The following SLC25A14 variants were observed in gnomAD, a reference collection of about 807,000 sequenced individuals.
SLC25A14 encodes the protein solute carrier family 25 member 14, also known as brain mitochondrial carrier protein 1.
Under a neutral mutation model 28.1 loss-of-function variants are expected in SLC25A14, and 8 were observed. The ratio of observed to expected loss-of-function variants is 0.28; its 90% confidence interval spans 0.17 to 0.51. The LOEUF is 0.51. Among genes scored for constraint, SLC25A14 ranks in the 20% least tolerant of loss-of-function variants. SLC25A14 has a pLI of 0.97. For missense variants in SLC25A14, 135 were observed against 263.8 expected, an observed-to-expected ratio of 0.51 and a Z score of 3.38; for synonymous variants, 74 against 90.6, an observed-to-expected ratio of 0.82 and a Z score of 1.04.
chrX:130,352,129 G>A (rs1378265996), intron 6 of SLC25A14, among the ~76,000 whole-genome samples: 1 of 111,297 alleles, frequency 9.0e-6, no homozygotes, highest in East Asian at 2.8e-4. Context: ...CCATGAGTAT[G>A]CAATATTTAG....
chrX:130,365,362 C>T (rs1255758593), intron 8 of SLC25A14, 179 bp from the exon 9 acceptor site: 1 of 1,022,791 alleles, frequency 9.8e-7, no homozygotes, highest in Non-Finnish European at 1.2e-6. Flanking sequence ...GAAGGGACAG[C>T]CTTTGAATGA....
rs1166070499 is a variant in SLC25A14, at chrX:130,340,302, C to A, written c.24C>A (p.Ile8=). The change falls in exon 2 of 11, where the codon ATC becomes ATA. Residue 8 remains isoleucine, a synonymous_variant. Coordinates refer to ENST00000545805, the MANE Select transcript of SLC25A14 (RefSeq NM_001282195.2). MGIFPGI[I]LIFLRVKFAT... The stretch of plus-strand genomic sequence containing the variant: ...GAATGGGTATCTTTCCCGGAATAAT[C>A]CTAATTTTTCTAAGGGTGAAGTTTG... The A allele has an allele frequency of 2.5e-6, 3 of 1,209,198 alleles. No individual in the cohort carries two copies. The African/African-American group carries it at 5.3e-5, about 21-fold the overall frequency.
At chrX:130,347,386 T>G (rs1474674576) in intron 4 of SLC25A14, among the ~76,000 whole-genome samples, 1 of 112,250 alleles carries the variant, frequency 8.9e-6, no homozygotes, top group Non-Finnish European at 1.9e-5. Flanking sequence ...CTGTTTCACC[T>G]TGTTCTTTCA....
rs749809718 is a variant in SLC25A14, at chrX:130,346,643, C to T, written c.269C>T (p.Ala90Val). 3 of 1,207,391 alleles carry T rather than the reference C, an allele frequency of 2.5e-6. No homozygotes were observed. Among genetic ancestry groups the T allele is most frequent in the Non-Finnish European group, 2.2e-6 (2 of 891,833 alleles). ...ATAAAATATAGAGGGATGTTCCATGCGCTGTTTCGCATCTGTAAAGAGGAA... is the reference window on the plus strand; with the variant it reads ...ATAAAATATAGAGGGATGTTCCATGTGCTGTTTCGCATCTGTAAAGAGGAA... ...KEIKYRGMFH[A>V]LFRICKEEGV... Residue 90 changes from alanine to valine, a missense_variant, in exon 4 of 11, where the codon GCG becomes GTG. By Grantham distance (64) the Ala-to-Val change is moderately conservative. Transcript: ENST00000545805.
chrX:130,350,792 T>G (rs2033601144), intron 6 of SLC25A14, 61 bp downstream of exon 6: 1 of 689,249 alleles, frequency 1.5e-6, no homozygotes, highest in Admixed American at 2.7e-5. Context: ...TGGGTTCAGA[T>G]TCCCACTCTG....
At chrX:130,348,245 C>T (rs2033504898) in intron 4 of SLC25A14, among the ~76,000 whole-genome samples, 1 of 110,436 alleles carries the variant, frequency 9.1e-6, no homozygotes, top group African/African-American at 3.3e-5. Context: ...TATAAGGGCA[C>T]TAATCCTGTT....
At chrX:130,365,257 A>G in intron 8 of SLC25A14, 1 of 861,489 alleles carries the variant, frequency 1.2e-6, no homozygotes, top group South Asian at 5.3e-5. Flanking sequence ...AAATTTATGT[A>G]ACTAATACAT....
At position 130,369,917 on chromosome X, in the gene SLC25A14, T is replaced by G. The variant is rs1441139155; in HGVS notation, c.856-1647T>G. Among the ~76,000 whole-genome samples, 9 of 112,267 alleles carry G rather than the reference T, an allele frequency of 8.0e-5. No individual in the cohort carries two copies. In the Admixed American group the frequency reaches 8.5e-4, roughly 11 times the overall value. On this transcript the variant is annotated intron_variant, in intron 9 of 10. Coordinates refer to ENST00000545805, the MANE Select transcript of SLC25A14 (RefSeq NM_001282195.2). ...TGAGAGCTTTAAGCAGGAAATGTTATGCTCTCATTTATAATTTTAAAAGAT... is the reference window on the plus strand; with the variant it reads ...TGAGAGCTTTAAGCAGGAAATGTTAGGCTCTCATTTATAATTTTAAAAGAT...
intron 9 of SLC25A14, among the ~76,000 whole-genome samples, chrX:130,366,514 T>C (rs1298398933): frequency 8.9e-6 from 1 of 112,191 alleles, no homozygotes; most frequent in Non-Finnish European, 1.9e-5. Flanking sequence ...CACTGAAAGA[T>C]TAAGTAAGCT....
chrX:130,345,247 C>T lies in SLC25A14; in HGVS notation c.141C>T (p.Gly47=), dbSNP rs758053843. The T allele has an allele frequency of 1.7e-5, 20 of 1,194,782 alleles. No individual in the cohort carries two copies. The highest frequency in any genetic ancestry group is 2.0e-5 in the Non-Finnish European group (18 of 881,454). ...TGAATTGGAAACCCTTTGTATATGG[C>T]GGCCTTGCCTCTATCGTGGCTGAGT... ...SGLNWKPFVY[G]GLASIVAEFG... is the part of the protein sequence containing the mutation. Residue 47 remains glycine (G), a synonymous_variant, in exon 3 of 11, where the codon GGC becomes GGT. Coordinates refer to ENST00000545805, the MANE Select transcript of SLC25A14 (RefSeq NM_001282195.2).
chrX:130,360,000 T>C (rs1485174730), intron 7 of SLC25A14, among the ~76,000 whole-genome samples: 1 of 110,632 alleles, frequency 9.0e-6, no homozygotes, highest in Non-Finnish European at 1.9e-5. Flanking sequence ...ATACCTAATA[T>C]CTAGCCCATA....
At chrX:130,341,130 G>A (rs2033246947) in intron 2 of SLC25A14, among the ~76,000 whole-genome samples, 1 of 111,727 alleles carries the variant, frequency 9.0e-6, no homozygotes, top group Non-Finnish European at 1.9e-5. Flanking sequence ...CGTCTCTCAA[G>A]GTTCAATTTA....
At position 130,340,225 on chromosome X, in the gene SLC25A14, C is replaced by G; in HGVS notation, c.-54C>G. On this transcript the variant is annotated 5_prime_UTR_variant, in exon 2 of 11. Transcript: ENST00000545805. ...TCTTCAGGCGCCTCCCTTCTCTCCA[C>G]GAGCTCGCTCTGACAGCTGAGGAAC... is the stretch of plus-strand genomic sequence containing the variant. 1 of 1,207,445 alleles carries G rather than the reference C, an allele frequency of 8.3e-7. No individual in the cohort carries two copies.
chrX:130,366,254 G>A (rs1246664138), intron 9 of SLC25A14, among the ~76,000 whole-genome samples: 3 of 112,298 alleles, frequency 2.7e-5, no homozygotes, highest in African/African-American at 9.7e-5. Flanking sequence ...AGTAGTTAGA[G>A]AGAAATTACA....
chrX:130,366,459 C>T (rs1364325957), intron 9 of SLC25A14, among the ~76,000 whole-genome samples: 1 of 111,717 alleles, frequency 9.0e-6, no homozygotes, highest in Non-Finnish European at 1.9e-5. Context: ...TATGTGTATT[C>T]GTTCATTGAA....
chrX:130,359,013 T>C lies in SLC25A14; in HGVS notation c.594+278T>C, dbSNP rs980950749. 4 of 1,032,645 alleles carry C rather than the reference T, an allele frequency of 3.9e-6. No homozygotes were observed. In the African/African-American group the frequency reaches 5.7e-5, roughly 15 times the overall value. 85.1% of individuals were successfully genotyped at this position (1,032,645 alleles called of 1,213,427 possible). ...GTTGTTCAGTGTATTTTTTTGCAAG[T>C]TCTGTACTAACACGATGATGTATGT... On this transcript the variant is annotated intron_variant, in intron 7 of 10. Transcript: ENST00000545805.
chrX:130,340,789 G>T (rs2033231783), intron 2 of SLC25A14, among the ~76,000 whole-genome samples: 1 of 111,274 alleles, frequency 9.0e-6, no homozygotes, highest in Non-Finnish European at 1.9e-5. Context: ...TGTGTTTGCT[G>T]CAGCCCTAAT....
chrX:130,353,903 C>T (rs1424971589), intron 6 of SLC25A14, among the ~76,000 whole-genome samples: 1 of 111,563 alleles, frequency 9.0e-6, no homozygotes, highest in Admixed American at 9.5e-5. Flanking sequence ...TTGACTAATT[C>T]CTTCTACTAG....
At chrX:130,371,511 C>A in intron 9 of SLC25A14, 53 bp from the exon 10 acceptor site, 1 of 958,931 alleles carries the variant, frequency 1.0e-6, no homozygotes, top group Non-Finnish European at 1.5e-6. Flanking sequence ...AAGGTGATGT[C>A]AAATGTAGAG....
Sources: allele counts gnomAD v4.1 joint callset (sites outside exome capture counted in the v4.1 genomes callset), GRCh38; gene constraint gnomAD v4.1.1; transcripts MANE v1.5; gene names NCBI Gene and HGNC (gene_info 2026-07-23, HGNC 2026-07-21).